Variants in STXBP5L observed in about 807,000 individuals in gnomAD.
STXBP5L encodes syntaxin-binding protein 5-like.
STXBP5L carries 65 observed loss-of-function variants against 144.5 expected under a neutral mutation model. The observed-to-expected ratio is 0.45, with a 90% CI of 0.37 to 0.55. STXBP5L has a LOEUF of 0.55. Among genes scored for constraint, STXBP5L ranks in the 20% least tolerant of loss-of-function variants. The pLI is 0.00. For synonymous variants in STXBP5L, 505 were observed against 469.6 expected (o/e 1.08, Z -0.97); for missense variants, 1,298 against 1,405.5 (o/e 0.92, Z 1.22).
chr3:121,320,062 C>A (rs1448756383), intron 20 of STXBP5L, among the ~76,000 whole-genome samples: 1 of 152,176 alleles, frequency 6.6e-6, no homozygotes, highest in Non-Finnish European at 1.5e-5. Flanking sequence ...AGTTCACACA[C>A]AAACATGCTT....
intron 2 of STXBP5L, among the ~76,000 whole-genome samples, chr3:120,925,856 A>G (rs1314411990): frequency 1.3e-5 from 2 of 152,218 alleles, no homozygotes; most frequent in African/African-American, 4.8e-5. Context: ...AGAACATCTT[A>G]TAGATATAAC....
intron 20 of STXBP5L, among the ~76,000 whole-genome samples, chr3:121,372,510 G>C (rs2046062267): frequency 6.6e-6 from 1 of 152,166 alleles, no homozygotes; most frequent in Admixed American, 6.5e-5. Flanking sequence ...GTCTCCTCCT[G>C]CTGGGATTCC....
intron 5 of STXBP5L, among the ~76,000 whole-genome samples, 183 bp downstream of exon 5, chr3:121,045,718 C>T (rs934807732): frequency 6.6e-6 from 1 of 152,084 alleles, no homozygotes; most frequent in African/African-American, 2.4e-5. Context: ...TAGATCCAGT[C>T]ACCTACTAAT....
intron 19 of STXBP5L, 44 bp downstream of exon 19, chr3:121,280,000 C>T: frequency 6.3e-7 from 1 of 1,585,286 alleles, no homozygotes; most frequent in Non-Finnish European, 8.6e-7. Context: ...ATTTGGTCAT[C>T]TGTGTTCTTA....
chr3:121,359,601 TC>T (rs2045641697), intron 20 of STXBP5L, among the ~76,000 whole-genome samples: 1 of 152,128 alleles, frequency 6.6e-6, no homozygotes, highest in African/African-American at 2.4e-5. Context: ...AAGTCTTTAA[TC>T]CGTTTTGATT....
At chr3:121,182,942 T>G (rs2047219284) in intron 9 of STXBP5L, among the ~76,000 whole-genome samples, 1 of 152,204 alleles carries the variant, frequency 6.6e-6, no homozygotes, top group Non-Finnish European at 1.5e-5. Context: ...TTTAACAGCA[T>G]ATCAAAAAGA....
intron 5 of STXBP5L, among the ~76,000 whole-genome samples, chr3:121,073,142 T>C (rs2041875340): frequency 6.6e-6 from 1 of 152,228 alleles, no homozygotes; most frequent in Non-Finnish European, 1.5e-5. Context: ...GGCTAGTCCG[T>C]TAAGTTTTTT....
intron 5 of STXBP5L, among the ~76,000 whole-genome samples, chr3:121,075,582 C>T (rs1560095689): frequency 6.6e-6 from 1 of 152,198 alleles, no homozygotes; most frequent in Non-Finnish European, 1.5e-5. Flanking sequence ...GCCGCATTAA[C>T]CATACACTGA....
At chr3:121,277,098 A>T (rs1252579346) in intron 18 of STXBP5L, among the ~76,000 whole-genome samples, 1 of 152,048 alleles carries the variant, frequency 6.6e-6, no homozygotes, top group Non-Finnish European at 1.5e-5. Context: ...TAGCTTATAA[A>T]CAACAGAAAT....
Position 121,032,443 on chromosome 3 carries a change from A to T in STXBP5L, c.288-9257A>T, listed in dbSNP as rs528752260. 2.5e-4 allele frequency among the ~76,000 whole-genome samples: 38 copies of T among 152,270 alleles called. 1 individual carries two copies. Among genetic ancestry groups the T allele is most frequent in the African/African-American group, 8.2e-4 (34 of 41,576 alleles). ...TGACCTTATTAGCCACTAGGTAATA[A>T]ATTCATGTGTTTTTCATAAAAACCC... On this transcript the variant is annotated intron_variant, in intron 3 of 26. Transcript: ENST00000471454.
intron 2 of STXBP5L, among the ~76,000 whole-genome samples, chr3:120,926,986 A>C (rs1378432630): frequency 2.1e-5 from 3 of 145,874 alleles, no homozygotes. Context: ...CCCAGACTGG[A>C]GTGCAGTAGC....
intron 4 of STXBP5L, among the ~76,000 whole-genome samples, chr3:121,042,070 G>T (rs1038069131): frequency 2.0e-5 from 3 of 151,778 alleles, no homozygotes; most frequent in African/African-American, 7.3e-5. Flanking sequence ...TTGCTTCACT[G>T]GCCATTAATT....
At chr3:121,221,825 T>C (rs568105829) in intron 10 of STXBP5L, among the ~76,000 whole-genome samples, 3 of 151,726 alleles carry the variant, frequency 2.0e-5, no homozygotes, top group African/African-American at 7.2e-5. Context: ...GAATTATAAA[T>C]AGAAAATAAT....
chr3:121,074,436 A>T (rs1180592873), intron 5 of STXBP5L, among the ~76,000 whole-genome samples: 1 of 152,158 alleles, frequency 6.6e-6, no homozygotes, highest in African/African-American at 2.4e-5. Flanking sequence ...TCTTTGCATT[A>T]TCCCAAATTT....
intron 2 of STXBP5L, among the ~76,000 whole-genome samples, chr3:120,935,092 T>C (rs540179315): frequency 6.6e-6 from 1 of 152,026 alleles, no homozygotes; most frequent in South Asian, 2.1e-4. Flanking sequence ...TCTTATACTC[T>C]TTTTCTGTCT....
chr3:120,989,438 C>A (rs1942617481), intron 3 of STXBP5L, among the ~76,000 whole-genome samples: 1 of 152,032 alleles, frequency 6.6e-6, no homozygotes, highest in African/African-American at 2.4e-5. Context: ...TCTTCCTTTG[C>A]AAAATGTCTG....
chr3:121,142,804 C>G (rs1259947852), intron 7 of STXBP5L, among the ~76,000 whole-genome samples: 2 of 151,552 alleles, frequency 1.3e-5, no homozygotes, highest in Non-Finnish European at 3.0e-5. Flanking sequence ...TAAGAAAGAC[C>G]TGCAAACTTA....
intron 3 of STXBP5L, among the ~76,000 whole-genome samples, chr3:120,982,355 GACAAGAGAA>G (rs775026860): frequency 1.3e-5 from 2 of 152,188 alleles, no homozygotes; most frequent in Non-Finnish European, 2.9e-5. Flanking sequence ...ATACCCTATT[GACAAGAGAA>G]GACATCAGCA....
intron 9 of STXBP5L, among the ~76,000 whole-genome samples, chr3:121,187,114 C>T (rs951506487): frequency 2.1e-4 from 32 of 152,030 alleles, no homozygotes; most frequent in Admixed American, 6.6e-4. Context: ...CACATGCACA[C>T]GTATGTTTAT....
Sources: gnomAD v4.1 joint callset for allele counts (sites outside exome capture counted in the v4.1 genomes callset) on GRCh38, gnomAD v4.1.1 for gene constraint, MANE v1.5 for transcripts, NCBI Gene and HGNC (gene_info 2026-07-23, HGNC 2026-07-21) for gene names.